The following SETD5 variants were observed in gnomAD, a reference collection of about 807,000 sequenced individuals.
The protein encoded by SETD5 is histone-lysine N-methyltransferase SETD5.
A neutral mutation model predicts 153.3 loss-of-function variants in SETD5; 44 were observed. The observed-to-expected ratio is 0.29, with a 90% CI of 0.23 to 0.37. The LOEUF (loss-of-function observed/expected upper bound fraction) is 0.37. Among genes scored for constraint, SETD5 ranks in the 10% least tolerant of loss-of-function variants. The pLI is 1.00. For missense variants in SETD5, 1,544 were observed against 1,768.0 expected (o/e 0.87, Z 2.27); for synonymous variants, 716 against 645.2 (o/e 1.11, Z -1.66).
At chr3:9,422,478 C>T (rs896374283) in intron 1 of SETD5, among the ~76,000 whole-genome samples, 2 of 152,144 alleles carry the variant, frequency 1.3e-5, no homozygotes, top group African/African-American at 2.4e-5. Flanking sequence ...AGGGAAGCCA[C>T]TGCCTCCCAA....
Position 9,446,306 on chromosome 3 carries a change from A to AAAC in SETD5, c.1524+568_1524+569insCAA, listed in dbSNP as rs1553624517. On this transcript the variant is annotated intron_variant, in intron 13 of 22. Coordinates refer to ENST00000402198, the MANE Select transcript of SETD5 (RefSeq NM_001080517.3). ...CATCTCAAAAAAAAAAAAAAAAAAA[A>AAAC]AATCTGGTTTCCGAAAAACTGGCTG... Among the ~76,000 whole-genome samples, 168 of 120,150 alleles carry AAAC rather than the reference A, an allele frequency of 1.4e-3. 14 individuals are homozygous for AAAC. Among genetic ancestry groups the AAAC allele is most frequent in the Middle Eastern group, 5.5e-3 (1 of 182 alleles). 78.8% of individuals were successfully genotyped at this position (120,150 alleles called of 152,430 possible).
At chr3:9,463,421 A>G (rs921450965) in intron 17 of SETD5, among the ~76,000 whole-genome samples, 1 of 152,226 alleles carries the variant, frequency 6.6e-6, no homozygotes, top group Non-Finnish European at 1.5e-5. Flanking sequence ...GGTATTAAAT[A>G]TATATACTTT....
At chr3:9,433,599 T>G in intron 3 of SETD5, 1 of 1,236,264 alleles carries the variant, frequency 8.1e-7, no homozygotes, top group Non-Finnish European at 1.1e-6. Context: ...ACCTTGTATC[T>G]CAGGTGCCTG....
In SETD5 at chr3:9,474,375, C is replaced by G. The variant is rs559278455; in HGVS notation, c.3498-74C>G. On this transcript the variant is annotated intron_variant, in intron 20 of 22. Coordinates refer to ENST00000402198, the MANE Select transcript of SETD5 (RefSeq NM_001080517.3). ...TAAGAGGATGTTTTAAGAAAATACA[C>G]TGTGCACTGGTTAGGGCTTCATTTG... 3.5e-5 allele frequency: 53 copies of G among 1,517,658 alleles called. No homozygotes were observed. The South Asian group carries it at 5.9e-4, about 17-fold the overall frequency. 94.0% of individuals were successfully genotyped at this position (1,517,658 alleles called of 1,614,324 possible).
chr3:9,460,177 A>T (rs941282137), intron 17 of SETD5, among the ~76,000 whole-genome samples: 2 of 152,114 alleles, frequency 1.3e-5, no homozygotes, highest in Non-Finnish European at 1.5e-5. Flanking sequence ...TTAATAGGGT[A>T]ACTGGATAAA....
chr3:9,402,577 C>T (rs1050282264), intron 1 of SETD5, among the ~76,000 whole-genome samples: 6 of 152,120 alleles, frequency 3.9e-5, no homozygotes, highest in Non-Finnish European at 7.4e-5. Flanking sequence ...ATGCTCATGT[C>T]TGTTGCTTTG....
chr3:9,433,548 C>CT (rs778466582), intron 3 of SETD5: 18 of 1,294,594 alleles, frequency 1.4e-5, no homozygotes, highest in Non-Finnish European at 1.7e-5. Context: ...CTAGGGGAAA[C>CT]TCCCCGCTCA....
chr3:9,428,968 C>T lies in SETD5; in HGVS notation c.30C>T (p.Thr10=). Reference sequence around the variant, plus strand: ...GCATTGCAATCCCTCTGGGAGTCACCACATCAGATACATCCTACTCAGATA... The same window carrying T: ...GCATTGCAATCCCTCTGGGAGTCACTACATCAGATACATCCTACTCAGATA... MSIAIPLGV[T]TSDTSYSDMA... The change falls in exon 3 of 23, where the codon ACC becomes ACT. Residue 10 remains threonine, a synonymous_variant. Transcript: ENST00000402198. The T allele has an allele frequency of 1.9e-6, 3 of 1,613,262 alleles. No homozygotes were observed. The highest frequency in any genetic ancestry group is 2.5e-6 in the Non-Finnish European group (3 of 1,179,522).
intron 19 of SETD5, among the ~76,000 whole-genome samples, 199 bp from the exon 20 acceptor site, chr3:9,473,037 T>C (rs771385007): frequency 2.6e-5 from 4 of 152,198 alleles, no homozygotes; most frequent in Non-Finnish European, 2.9e-5. Context: ...AATTTCCAGC[T>C]GCCTTAAATA....
chr3:9,451,308 T>G (rs369525000), intron 16 of SETD5, among the ~76,000 whole-genome samples: 3 of 152,240 alleles, frequency 2.0e-5, no homozygotes, highest in African/African-American at 7.2e-5. Flanking sequence ...ATAAGCTTTC[T>G]TCACATACAT....
Position 9,445,140 on chromosome 3 carries a change from C to T in SETD5, c.1280C>T (p.Pro427Leu), listed in dbSNP as rs375321317. ...NPNATELPLL[P>L]PPPSLPTIGA... ...AATGCTACAGAACTGCCACTCCTAC[C>T]ACCTCCTCCAAGCCTACCCACCATT... The change falls in exon 12 of 23, where the codon CCA becomes CTA. Residue 427 changes from proline (P) to leucine (L), a missense_variant. This residue lies in a region of SETD5 where 782 missense variants were observed against 787.2 expected (regional missense o/e 0.99). Transcript: ENST00000402198. 1.2e-6 allele frequency: 2 copies of T among 1,613,850 alleles called. No homozygotes were observed. Among genetic ancestry groups the T allele is most frequent in the Non-Finnish European group, 1.7e-6 (2 of 1,179,900 alleles).
chr3:9,440,819 C>T (rs992125584), intron 8 of SETD5, 121 bp downstream of exon 8: 70 of 1,285,686 alleles, frequency 5.4e-5, no homozygotes, highest in Admixed American at 3.0e-4. Flanking sequence ...AACAGATTAG[C>T]CAGGTGTTGA....
chr3:9,443,265 C>G (rs1364608723), intron 10 of SETD5, 43 bp from the exon 11 acceptor site: 2 of 1,417,848 alleles, frequency 1.4e-6, no homozygotes, highest in East Asian at 2.5e-5. Context: ...ACGGAAAGTT[C>G]ATGGTCTTTA....
intron 17 of SETD5, among the ~76,000 whole-genome samples, chr3:9,456,000 A>C (rs1010670759): frequency 6.6e-6 from 1 of 152,238 alleles, no homozygotes; most frequent in Non-Finnish European, 1.5e-5. Flanking sequence ...TGCGCAAGTT[A>C]TATTGCTACA....
At chr3:9,417,406 C>A (rs886949987) in intron 1 of SETD5, among the ~76,000 whole-genome samples, 9 of 152,050 alleles carry the variant, frequency 5.9e-5, no homozygotes, top group African/African-American at 2.2e-4. Context: ...TGGAGTATAC[C>A]AAGTGATTTT....
intron 1 of SETD5, among the ~76,000 whole-genome samples, chr3:9,399,228 C>G (rs1241142729): frequency 6.6e-6 from 1 of 152,222 alleles, no homozygotes; most frequent in Non-Finnish European, 1.5e-5. Flanking sequence ...GAGGATCCAG[C>G]TGAGTGGAGT....
At chr3:9,433,559 G>T in intron 3 of SETD5, 2 of 1,297,162 alleles carry the variant, frequency 1.5e-6, no homozygotes, top group Non-Finnish European at 2.0e-6. Flanking sequence ...TCCCCGCTCA[G>T]CTGGTACGTT....
chr3:9,403,693 T>G (rs966692881), intron 1 of SETD5, among the ~76,000 whole-genome samples: 2 of 152,226 alleles, frequency 1.3e-5, no homozygotes, highest in South Asian at 4.1e-4. Context: ...TTGATACATT[T>G]GTGTTCAGCT....
rs201868415 is a variant in SETD5 at position 9,470,600 on chromosome 3, A to T, written c.2866A>T (p.Thr956Ser). The T allele has an allele frequency of 5.2e-5, 84 of 1,613,900 alleles. No homozygotes were observed. In the African/African-American group the frequency reaches 1.0e-3, roughly 20 times the overall value. ...TCCCTCCCTCGGACCCACTTCTGAG[A>T]CTGGTTTCCCAAGCAGAAGTGGAGA... is the stretch of plus-strand genomic sequence containing the variant. ...PHPSLGPTSE[T>S]GFPSRSGDGH... is the part of the protein sequence containing the mutation. Residue 956 changes from threonine (T) to serine (S), a missense_variant, in exon 19 of 23, where the codon ACT becomes TCT. By Grantham distance (58) the Thr-to-Ser change is moderately conservative. Around this residue, in one of 9 missense-constraint regions of SETD5, gnomAD observed 782 missense variants for 787.2 expected, o/e 0.99. Coordinates refer to ENST00000402198, the MANE Select transcript of SETD5 (RefSeq NM_001080517.3).
Sources: allele counts gnomAD v4.1 joint callset (sites outside exome capture counted in the v4.1 genomes callset), GRCh38; gene constraint gnomAD v4.1.1; regional missense constraint gnomAD v4.1.1; transcripts MANE v1.5; gene names NCBI Gene and HGNC (gene_info 2026-07-23, HGNC 2026-07-21).